IL1RAPL1: variants seen among roughly 807,000 people sequenced by gnomAD.
The protein encoded by IL1RAPL1 is interleukin 1 receptor accessory protein like 1.
A neutral mutation model predicts 48.4 loss-of-function variants in IL1RAPL1; 3 were observed. That is an observed-to-expected ratio of 0.06 (90% CI 0.03 to 0.16). The LOEUF (loss-of-function observed/expected upper bound fraction) is 0.16. Among genes scored for constraint, IL1RAPL1 ranks in the 10% least tolerant of loss-of-function variants. IL1RAPL1 has a pLI of 1.00. For synonymous variants in IL1RAPL1, 185 were observed against 187.7 expected (o/e 0.99, Z 0.12); for missense variants, 349 against 530.6 (o/e 0.66, Z 3.36).
At chrX:29,125,767 A>G (rs1928885852) in intron 2 of IL1RAPL1, among the ~76,000 whole-genome samples, 1 of 110,513 alleles carries the variant, frequency 9.0e-6, no homozygotes, top group Non-Finnish European at 1.9e-5. Context: ...TTACTTGACA[A>G]GGAATAGAAG....
chrX:29,106,781 A>G (rs1452373188), intron 2 of IL1RAPL1, among the ~76,000 whole-genome samples: 6 of 111,942 alleles, frequency 5.4e-5, no homozygotes, highest in African/African-American at 1.3e-4. Context: ...ACCAAAAATT[A>G]TAAATCAGTA....
At chrX:29,119,590 C>G (rs1165424183) in intron 2 of IL1RAPL1, among the ~76,000 whole-genome samples, 1 of 111,810 alleles carries the variant, frequency 8.9e-6, no homozygotes, top group East Asian at 2.8e-4. Context: ...TCACAATTTT[C>G]TGAGCAGAAA....
At chrX:29,449,738 TACACACACAC>T (rs539577442) in intron 5 of IL1RAPL1, among the ~76,000 whole-genome samples, 6 of 63,923 alleles carry the variant, frequency 9.4e-5, no homozygotes, top group African/African-American at 3.1e-4. Context: ...TACATATGCA[TACACACACAC>T]ACACACACAC....
chrX:28,732,373 T>G (rs1224122287), intron 1 of IL1RAPL1, among the ~76,000 whole-genome samples: 2 of 111,742 alleles, frequency 1.8e-5, no homozygotes, highest in East Asian at 5.6e-4. Context: ...CAATCGAAAT[T>G]TACGAACATT....
intron 6 of IL1RAPL1, among the ~76,000 whole-genome samples, chrX:29,864,190 A>G (rs932859599): frequency 8.9e-6 from 1 of 112,682 alleles, no homozygotes; most frequent in Non-Finnish European, 1.9e-5. Flanking sequence ...CACTTTGAGA[A>G]CTACTGACTT....
chrX:29,228,221 C>T (rs759205317), intron 2 of IL1RAPL1, among the ~76,000 whole-genome samples: 1 of 89,728 alleles, frequency 1.1e-5, no homozygotes, highest in South Asian at 5.4e-4. Context: ...CACACACACA[C>T]ACAACTGTGA....
In IL1RAPL1 at chrX:29,014,182, C is replaced by G. The variant is rs185308288; in HGVS notation, c.82+224757C>G. ...ATTAGGTATGCGCCTTACAGTCCTG[C>G]TTCGGCCTCTTCTTACTTTTTTTGT... On this transcript the variant is annotated intron_variant, in intron 2 of 10. Transcript: ENST00000378993. Among the ~76,000 whole-genome samples the G allele has an allele frequency of 4.9e-3, 544 of 111,499 alleles. 2 individuals carry two copies. The highest frequency in any genetic ancestry group is 0.017 in the African/African-American group (525 of 30,726).
intron 2 of IL1RAPL1, among the ~76,000 whole-genome samples, chrX:28,904,537 A>G (rs1332374859): frequency 8.9e-6 from 1 of 112,165 alleles, no homozygotes; most frequent in African/African-American, 3.2e-5. Context: ...GATAATTTAA[A>G]TGTTTACATA....
chrX:28,959,822 C>A (rs1228618320), intron 2 of IL1RAPL1, among the ~76,000 whole-genome samples: 2 of 111,784 alleles, frequency 1.8e-5, no homozygotes, highest in Non-Finnish European at 3.8e-5. Context: ...AGTACTAAAT[C>A]TGAGTTGTAT....
Position 29,803,228 on chromosome X carries a change from C to T in IL1RAPL1, c.779-114236C>T, listed in dbSNP as rs191357987. ...ACACATGTATATATGTATACATATA[C>T]ACACATGTATATATGTATACATATA... On this transcript the variant is annotated intron_variant, in intron 6 of 10. Transcript: ENST00000378993. Among the ~76,000 whole-genome samples, 280 of 30,501 alleles carry T rather than the reference C, an allele frequency of 9.2e-3. 18 individuals carry two copies. Among genetic ancestry groups the T allele is most frequent in the African/African-American group, 0.029 (189 of 6,475 alleles). 26.5% of individuals were successfully genotyped at this position (30,501 alleles called of 115,157 possible).
rs541834370 is a variant in IL1RAPL1, at chrX:29,694,642, C to T, written c.778+26138C>T. ...TCTGTTGAGAGCCTGCTTTCTGGCT[C>T]ATAAACAGTGCCTTCTTGCTGTGTT... On this transcript the variant is annotated intron_variant, in intron 6 of 10. Coordinates refer to ENST00000378993, the MANE Select transcript of IL1RAPL1 (RefSeq NM_014271.4). Among the ~76,000 whole-genome samples the T allele has an allele frequency of 1.1e-4, 12 of 111,378 alleles. No individual in the cohort carries two copies. In the East Asian group the frequency reaches 2.8e-3, roughly 26 times the overall value.
At chrX:29,817,420 G>A (rs1930521785) in intron 6 of IL1RAPL1, among the ~76,000 whole-genome samples, 1 of 110,608 alleles carries the variant, frequency 9.0e-6, no homozygotes, top group Admixed American at 9.6e-5. Context: ...GATCTGCATT[G>A]CACCTGTAGC....
chrX:29,754,107 G>C (rs769165700), intron 6 of IL1RAPL1, among the ~76,000 whole-genome samples: 30 of 111,238 alleles, frequency 2.7e-4, no homozygotes, highest in African/African-American at 7.5e-4. Context: ...TTTATGTGCT[G>C]TTCTGGAAAA....
At chrX:29,632,253 A>G (rs1924798836) in intron 5 of IL1RAPL1, among the ~76,000 whole-genome samples, 1 of 108,348 alleles carries the variant, frequency 9.2e-6, no homozygotes, top group African/African-American at 3.4e-5. Flanking sequence ...GGTTCACGCC[A>G]TTCTCCTGCC....
At chrX:28,775,188 C>A (rs1382274353) in intron 1 of IL1RAPL1, among the ~76,000 whole-genome samples, 1 of 111,815 alleles carries the variant, frequency 8.9e-6, no homozygotes, top group Non-Finnish European at 1.9e-5. Flanking sequence ...TAACAAATTA[C>A]CACAAACAGG....
chrX:29,038,837 G>T (rs1208398543), intron 2 of IL1RAPL1, among the ~76,000 whole-genome samples: 1 of 111,063 alleles, frequency 9.0e-6, no homozygotes, highest in Non-Finnish European at 1.9e-5. Context: ...ATTCCTTAGT[G>T]GGCTTCTAAT....
intron 1 of IL1RAPL1, among the ~76,000 whole-genome samples, chrX:28,641,836 T>C (rs1052804814): frequency 2.7e-5 from 3 of 111,744 alleles, no homozygotes; most frequent in Non-Finnish European, 5.6e-5. Flanking sequence ...TGAGTGTTTT[T>C]TTTCATATGC....
chrX:29,905,820 A>G (rs759001548), intron 6 of IL1RAPL1, among the ~76,000 whole-genome samples: 2 of 111,664 alleles, frequency 1.8e-5, no homozygotes, highest in Admixed American at 1.9e-4. Flanking sequence ...GAATGAATAC[A>G]TGTTAAAAAA....
chrX:29,174,872 A>G (rs965946461), intron 2 of IL1RAPL1, among the ~76,000 whole-genome samples: 1 of 110,922 alleles, frequency 9.0e-6, no homozygotes, highest in Non-Finnish European at 1.9e-5. Context: ...CAGGGGATCG[A>G]CACCATACTG....
Sources: gnomAD v4.1 joint callset for allele counts (sites outside exome capture counted in the v4.1 genomes callset) on GRCh38, gnomAD v4.1.1 for gene constraint, MANE v1.5 for transcripts, NCBI Gene and HGNC (gene_info 2026-07-23, HGNC 2026-07-21) for gene names.